The following SAMD4B variants were observed in gnomAD, a reference collection of about 807,000 sequenced individuals.
The protein encoded by SAMD4B is protein Smaug homolog 2.
SAMD4B carries 5 observed loss-of-function variants against 74.5 expected under a neutral mutation model. That is an observed-to-expected ratio of 0.07 (90% CI 0.04 to 0.14). The LOEUF (loss-of-function observed/expected upper bound fraction) is 0.14. Ranked by LOEUF, SAMD4B falls within the 10% of genes least tolerant of loss-of-function variation. The probability of loss-of-function intolerance (pLI) is 1.00; values close to 1 mark genes in which losing one functional copy is unlikely to be tolerated. For synonymous variants in SAMD4B, 373 were observed against 374.9 expected, an observed-to-expected ratio of 1.00 and a Z score of 0.06; for missense variants, 608 against 921.8, an observed-to-expected ratio of 0.66 and a Z score of 4.41.
At chr19:39,362,609 C>T (rs985454616) in intron 3 of SAMD4B, among the ~76,000 whole-genome samples, 2 of 152,158 alleles carry the variant, frequency 1.3e-5, no homozygotes, top group Non-Finnish European at 2.9e-5. Context: ...GCTGTCTTCC[C>T]TGCCTCTTTG....
At chr19:39,364,559 AT>A (rs912914638) in intron 3 of SAMD4B, among the ~76,000 whole-genome samples, 38 of 151,434 alleles carry the variant, frequency 2.5e-4, no homozygotes, top group African/African-American at 8.2e-4. Flanking sequence ...ACTTATTTTT[AT>A]TTTTTTTTAT....
chr19:39,378,381 A>T lies in SAMD4B; in HGVS notation c.1445-123A>T. ...AACCCAAATACCATGGCTAGCACTT[A>T]ATAGTTGATATTCATCCAGCCTGAG... is the stretch of plus-strand genomic sequence containing the variant. On this transcript the variant is annotated intron_variant, in intron 8 of 13. Coordinates refer to ENST00000610417, the MANE Select transcript of SAMD4B (RefSeq NM_001384574.2). This position sits in a 1 kb window ranked among gnomAD's most constrained non-coding sequence, Gnocchi z 4.4. The T allele has an allele frequency of 1.3e-6, 1 of 763,272 alleles. No individual in the cohort carries two copies. Among genetic ancestry groups the T allele is most frequent in the Non-Finnish European group, 2.2e-6 (1 of 444,926 alleles). 47.3% of individuals were successfully genotyped at this position (763,272 alleles called of 1,614,324 possible).
intron 3 of SAMD4B, among the ~76,000 whole-genome samples, chr19:39,364,147 T>C (rs1168768931): frequency 6.6e-6 from 1 of 152,228 alleles, no homozygotes; most frequent in Non-Finnish European, 1.5e-5. Context: ...AGGTCCTGCA[T>C]TGAGCCCAAC....
chr19:39,356,624 A>G (rs1425687649), intron 2 of SAMD4B, 65 bp from the exon 3 acceptor site: 2 of 347,466 alleles, frequency 5.8e-6, no homozygotes, highest in Middle Eastern at 7.8e-4. Flanking sequence ...TGCCCCCTCA[A>G]CCCACACTCA....
intron 1 of SAMD4B, chr19:39,348,140 C>T (rs1444849818): frequency 6.6e-6 from 1 of 152,166 alleles, no homozygotes; most frequent in Non-Finnish European, 1.5e-5. Context: ...AGCATTGTTA[C>T]ATGCAGAAAA....
Position 39,375,634 on chromosome 19 carries a change from C to T in SAMD4B, c.668-16C>T, listed in dbSNP as rs1244733369. 1 of 1,592,250 alleles carries T rather than the reference C, an allele frequency of 6.3e-7. No individual in the cohort carries two copies. The highest frequency in any genetic ancestry group is 1.3e-5 in the African/African-American group (1 of 74,570). On this transcript the variant is annotated splice_polypyrimidine_tract_variant and intron_variant, in intron 4 of 13. Coordinates refer to ENST00000610417, the MANE Select transcript of SAMD4B (RefSeq NM_001384574.2). The surrounding 1 kb of genome is among the most constrained non-coding windows in gnomAD (Gnocchi z 4.1). ...TCCCCAGGTCTAATATTTTGCTTTT[C>T]TCCCACTCTGGCCAGGTCTCCCCTG... is the stretch of plus-strand genomic sequence containing the variant.
At chr19:39,390,740 T>A in the SAMD4B span, 1 of 1,447,818 alleles carries the variant, frequency 6.9e-7, no homozygotes, top group Non-Finnish European at 9.5e-7. Context: ...CGGGCAGACC[T>A]GGGGGCTGGT....
chr19:39,344,205 A>G (rs1196972452), intron 1 of SAMD4B, among the ~76,000 whole-genome samples: 1 of 151,878 alleles, frequency 6.6e-6, no homozygotes, highest in Non-Finnish European at 1.5e-5. Flanking sequence ...AGACCCTCAC[A>G]CACACCTAAT....
At chr19:39,368,454 G>C (rs954302347) in intron 3 of SAMD4B, among the ~76,000 whole-genome samples, 13 of 152,134 alleles carry the variant, frequency 8.5e-5, no homozygotes, top group African/African-American at 2.7e-4. Flanking sequence ...TACATACTGT[G>C]GAGAGAACCC....
Position 39,376,486 on chromosome 19 carries a change from C to G in SAMD4B, c.957C>G (p.Leu319=). ...TCCGTTTGCACAAGTATGCAGCCCT[C>G]TTCTCACAGATGAGCTACGAGGAGA... ...KSLRLHKYAA[L]FSQMSYEEMM... Residue 319 remains leucine (L), a synonymous_variant, in exon 6 of 14, where the codon CTC becomes CTG. Coordinates refer to ENST00000610417, the MANE Select transcript of SAMD4B (RefSeq NM_001384574.2). 1.2e-6 allele frequency: 2 copies of G among 1,613,624 alleles called. No homozygotes were observed. Among genetic ancestry groups the G allele is most frequent in the Non-Finnish European group, 1.7e-6 (2 of 1,180,042 alleles).
In SAMD4B at chr19:39,376,486, C is replaced by T; in HGVS notation, c.957C>T (p.Leu319=). 6.2e-7 allele frequency: 1 copy of T among 1,613,624 alleles called. No homozygotes were observed. The highest frequency in any genetic ancestry group is 8.5e-7 in the Non-Finnish European group (1 of 1,180,042). ...TCCGTTTGCACAAGTATGCAGCCCT[C>T]TTCTCACAGATGAGCTACGAGGAGA... is the stretch of plus-strand genomic sequence containing the variant. ...KSLRLHKYAA[L]FSQMSYEEMM... is the part of the protein sequence containing the mutation. Residue 319 remains leucine (L), a synonymous_variant, in exon 6 of 14, where the codon CTC becomes CTT. Transcript: ENST00000610417.
intron 1 of SAMD4B, among the ~76,000 whole-genome samples, chr19:39,345,923 C>T (rs1454089615): frequency 1.3e-5 from 2 of 152,140 alleles, no homozygotes; most frequent in Non-Finnish European, 2.9e-5. Context: ...CTACTTGCTC[C>T]TGTCTTAGGG....
intron 1 of SAMD4B, among the ~76,000 whole-genome samples, chr19:39,345,470 T>G (rs959757732): frequency 3.3e-5 from 5 of 152,218 alleles, no homozygotes; most frequent in Non-Finnish European, 5.9e-5. Context: ...AATTGCTGCT[T>G]CTTTGAACAC....
downstream of SAMD4B, chr19:39,389,328 TG>T (rs766570033): frequency 1.9e-6 from 3 of 1,614,174 alleles, no homozygotes; most frequent in Admixed American, 5.0e-5. The surrounding 1 kb of genome is among the most constrained non-coding windows in gnomAD (Gnocchi z 5.3). Context: ...TTGAACTCAG[TG>T]GAGATGTACT....
chr19:39,371,236 CAT>C (rs1432248638), intron 4 of SAMD4B, among the ~76,000 whole-genome samples: 11 of 152,330 alleles, frequency 7.2e-5, no homozygotes, highest in South Asian at 4.1e-4. Context: ...TGAAATGTCA[CAT>C]GTGTCAGTGG....
chr19:39,358,688 G>A (rs563825442), intron 3 of SAMD4B, among the ~76,000 whole-genome samples: 35 of 151,988 alleles, frequency 2.3e-4, no homozygotes, highest in Middle Eastern at 3.2e-3. Context: ...GAATTAACAC[G>A]TGTGGCTTCC....
chr19:39,369,679 A>C lies in SAMD4B; in HGVS notation c.221A>C (p.Glu74Ala), dbSNP rs1254693933. 1 of 1,614,040 alleles carries C rather than the reference A, an allele frequency of 6.2e-7. No individual in the cohort carries two copies. The highest frequency in any genetic ancestry group is 8.5e-7 in the Non-Finnish European group (1 of 1,179,984). ...SAAIVSQWQQ[E>A]SKEKVVSLLL... ...GCCATCGTCAGCCAGTGGCAGCAGG[A>C]GTCCAAAGAGAAGGTGGTGTCCCTC... Residue 74 changes from glutamate (E) to alanine (A), a missense_variant, in exon 4 of 14, where the codon GAG (glutamate) becomes GCG (alanine). Around this residue, in one of 9 missense-constraint regions of SAMD4B, gnomAD observed 74 missense variants for 182.0 expected, o/e 0.41. Transcript: ENST00000610417.
At chr19:39,364,247 A>C (rs1465172846) in intron 3 of SAMD4B, among the ~76,000 whole-genome samples, 1 of 152,206 alleles carries the variant, frequency 6.6e-6, no homozygotes, top group Non-Finnish European at 1.5e-5. Flanking sequence ...GGAGTGGGGA[A>C]AGGACTAGAC....
chr19:39,386,192 G>A, downstream of SAMD4B: 3 of 1,614,154 alleles, frequency 1.9e-6, no homozygotes, highest in Non-Finnish European at 1.7e-6. The surrounding 1 kb of genome is among the most constrained non-coding windows in gnomAD (Gnocchi z 6.1). Flanking sequence ...CATCATCAGA[G>A]TCGGCATCGT....
Sources: allele counts gnomAD v4.1 joint callset (sites outside exome capture counted in the v4.1 genomes callset), GRCh38; gene constraint gnomAD v4.1.1; regional missense constraint gnomAD v4.1.1; non-coding constraint Gnocchi (gnomAD v3.1); transcripts MANE v1.5; gene names NCBI Gene and HGNC (gene_info 2026-07-23, HGNC 2026-07-21).